The following SYNPO2 variants were observed in gnomAD, a reference collection of about 807,000 sequenced individuals.
The protein encoded by SYNPO2 is synaptopodin 2, also known as synaptopodin-2.
In SYNPO2, 56 loss-of-function variants were observed where a neutral mutation model predicts 85.0. The observed-to-expected ratio is 0.66, with a 90% CI of 0.53 to 0.82. The LOEUF (loss-of-function observed/expected upper bound fraction) is 0.82. SYNPO2 is among the 40% of genes least tolerant of loss of function. The pLI is 0.00. For missense variants in SYNPO2, 1,575 were observed against 1,534.2 expected (o/e 1.03, Z -0.44); for synonymous variants, 602 against 591.1 (o/e 1.02, Z -0.27).
intron 1 of SYNPO2, among the ~76,000 whole-genome samples, chr4:119,007,231 T>C (rs1257294666): frequency 1.4e-4 from 7 of 49,282 alleles, no homozygotes; most frequent in Admixed American, 7.4e-4. Context: ...TATATATATA[T>C]ATATATATAT....
rs57189942 is a variant in SYNPO2 at position 118,889,633 on chromosome 4, A to G, written c.105+492A>G. ...AAGGCCAATGTTGGGCAATAATTTT[A>G]AAAGTATGATGAAGTGTCATAAAAT... On this transcript the variant is annotated intron_variant, in intron 1 of 4. Coordinates refer to ENST00000307142, the MANE Select transcript of SYNPO2 (RefSeq NM_133477.3). 8.1e-3 allele frequency among the ~76,000 whole-genome samples: 1,226 copies of G among 152,296 alleles called. 15 individuals carry two copies. The highest frequency in any genetic ancestry group is 0.028 in the African/African-American group (1,176 of 41,548).
chr4:118,917,893 A>T (rs558095086), intron 1 of SYNPO2, among the ~76,000 whole-genome samples: 4 of 152,226 alleles, frequency 2.6e-5, no homozygotes, highest in Non-Finnish European at 5.9e-5. Context: ...ATTGCAAAAT[A>T]TTGGAAAAAT....
At chr4:118,855,451 T>C (rs903098838) in intron 1 of SYNPO2, among the ~76,000 whole-genome samples, 1 of 152,134 alleles carries the variant, frequency 6.6e-6, no homozygotes, top group Non-Finnish European at 1.5e-5. Context: ...AAAGCAATCA[T>C]AATTGAGAAT....
At chr4:118,881,047 A>G (rs1732080927) in intron 1 of SYNPO2, among the ~76,000 whole-genome samples, 2 of 152,146 alleles carry the variant, frequency 1.3e-5, no homozygotes, top group South Asian at 2.1e-4. Context: ...TCATGCCTGT[A>G]ATCCCAGCAC....
In SYNPO2 at chr4:119,036,546, CA is replaced by C. The variant is rs1000567249; in HGVS notation, c.3252+4520del. On this transcript the variant is annotated intron_variant, in intron 4 of 4. Coordinates refer to ENST00000307142, the MANE Select transcript of SYNPO2 (RefSeq NM_133477.3). ...CACAAAGCAGGCTAATAAATTCCCA[CA>C]GGATCCAGACACCAGGCAAAATTGC... 1.5e-4 allele frequency: 149 copies of C among 985,478 alleles called. No homozygotes were observed. The African/African-American group carries it at 2.4e-3, about 16-fold the overall frequency. 61.0% of individuals were successfully genotyped at this position (985,478 alleles called of 1,614,324 possible). A position where few individuals can be genotyped will look rare whatever the true frequency, so the allele number is the denominator to read the frequency against.
intron 1 of SYNPO2, among the ~76,000 whole-genome samples, chr4:118,910,538 C>T (rs1161207918): frequency 6.6e-6 from 1 of 151,830 alleles, no homozygotes; most frequent in Non-Finnish European, 1.5e-5. Context: ...TTAAGTATTG[C>T]AAATTTCTGC....
At chr4:118,981,083 G>A (rs1311651688) in intron 1 of SYNPO2, among the ~76,000 whole-genome samples, 1 of 152,178 alleles carries the variant, frequency 6.6e-6, no homozygotes, top group Non-Finnish European at 1.5e-5. Flanking sequence ...GTTTATCTCT[G>A]TGCCCAAGAG....
intron 1 of SYNPO2, among the ~76,000 whole-genome samples, chr4:118,896,908 A>G (rs1732566665): frequency 6.6e-6 from 1 of 152,278 alleles, no homozygotes; most frequent in African/African-American, 2.4e-5. Flanking sequence ...CCTACTCACA[A>G]ATGACTAGCT....
Position 119,030,187 on chromosome 4 carries a change from T to C in SYNPO2, c.1412T>C (p.Ile471Thr). ...NFDWDSGLVD[I>T]EKKLNRGDKM... ...GACTGGGATTCTGGACTGGTGGACA[T>C]TGAAAAGAAACTGAACAGAGGGGAC... The change falls in exon 4 of 5, where the codon ATT becomes ACT. Residue 471 changes from isoleucine to threonine, a missense_variant. Transcript: ENST00000307142. 1.9e-6 allele frequency: 3 copies of C among 1,613,818 alleles called. No individual in the cohort carries two copies. The highest frequency in any genetic ancestry group is 2.5e-6 in the Non-Finnish European group (3 of 1,179,970).
chr4:118,878,870 T>G (rs1279944055), intron 1 of SYNPO2, among the ~76,000 whole-genome samples: 1 of 152,220 alleles, frequency 6.6e-6, no homozygotes, highest in African/African-American at 2.4e-5. Flanking sequence ...ACTCAGGTCC[T>G]TTTCTGTCTT....
At chr4:118,929,847 G>T (rs17050270) in intron 1 of SYNPO2, among the ~76,000 whole-genome samples, 29,631 of 151,860 alleles carry the variant, frequency 0.2, 2,987 homozygotes, top group African/African-American at 0.25. Flanking sequence ...GCATACATTT[G>T]GTTTCTAATT....
At chr4:119,034,879 G>A in intron 4 of SYNPO2, 2 of 985,544 alleles carry the variant, frequency 2.0e-6, no homozygotes, top group South Asian at 9.4e-5. Context: ...TTCAATCTGA[G>A]TGTTGTTGCC....
At position 119,023,477 on chromosome 4, in the gene SYNPO2, T is replaced by A; in HGVS notation, c.153T>A (p.Asp51Glu). Reference protein sequence around the residue: ...KASGSGLCEGDEVVSINGNPC... With the variant: ...KASGSGLCEGEEVVSINGNPC... The stretch of plus-strand genomic sequence containing the variant: ...CTGGGTCTGGGCTCTGTGAGGGAGA[T>A]GAAGTGGTTTCCATCAATGGCAACC... The change falls in exon 2 of 5, where the codon GAT becomes GAA. Residue 51 changes from aspartate (D) to glutamate (E), a missense_variant. Physicochemically the swap from Asp to Glu is conservative, Grantham distance 45 (BLOSUM62 2). Transcript: ENST00000307142. 1 of 1,613,942 alleles carries A rather than the reference T, an allele frequency of 6.2e-7. No individual in the cohort carries two copies. The highest frequency in any genetic ancestry group is 1.3e-5 in the African/African-American group (1 of 75,040).
At chr4:118,937,055 T>C (rs1248025318) in intron 1 of SYNPO2, among the ~76,000 whole-genome samples, 1 of 152,134 alleles carries the variant, frequency 6.6e-6, no homozygotes, top group Admixed American at 6.5e-5. Flanking sequence ...CAAATTTGTC[T>C]CTTTTCATCC....
At chr4:118,957,811 C>T (rs1459903349) in intron 1 of SYNPO2, among the ~76,000 whole-genome samples, 1 of 152,190 alleles carries the variant, frequency 6.6e-6, no homozygotes, top group Non-Finnish European at 1.5e-5. Context: ...ACTCCTATCT[C>T]GCAGATGGAG....
At chr4:118,936,249 C>G (rs977303775) in intron 1 of SYNPO2, among the ~76,000 whole-genome samples, 4 of 152,112 alleles carry the variant, frequency 2.6e-5, no homozygotes, top group African/African-American at 9.7e-5. Context: ...TGATGTTCGC[C>G]TAAGGGTTCA....
intron 4 of SYNPO2, among the ~76,000 whole-genome samples, chr4:119,045,200 A>T (rs1432024633): frequency 6.6e-6 from 1 of 152,236 alleles, no homozygotes; most frequent in Non-Finnish European, 1.5e-5. Context: ...TTATAACTGA[A>T]TACAATACAA....
At chr4:118,912,792 G>T (rs2149124691) in intron 1 of SYNPO2, among the ~76,000 whole-genome samples, 1 of 152,174 alleles carries the variant, frequency 6.6e-6, no homozygotes, top group East Asian at 1.9e-4. Flanking sequence ...TTTTAGTTGG[G>T]CAAGCTCAGT....
rs1739302603 is a variant in SYNPO2 at position 119,058,687 on chromosome 4, C to T, written c.*753C>T. On this transcript the variant is annotated 3_prime_UTR_variant, in exon 5 of 5. Transcript: ENST00000307142. The stretch of plus-strand genomic sequence containing the variant: ...ACAAAGTTTCACCATGTTGGTCAGA[C>T]TGGTCTTGAACTCCTGACCTCGTGA... 2 of 151,938 alleles carry T rather than the reference C, an allele frequency of 1.3e-5. No homozygotes were observed. Among genetic ancestry groups the T allele is most frequent in the Admixed American group, 1.3e-4 (2 of 15,256 alleles). 9.4% of individuals were successfully genotyped at this position (151,938 alleles called of 1,614,324 possible). A position where few individuals can be genotyped will look rare whatever the true frequency, so the allele number is the denominator to read the frequency against.
Sources: allele counts gnomAD v4.1 joint callset (sites outside exome capture counted in the v4.1 genomes callset), GRCh38; gene constraint gnomAD v4.1.1; transcripts MANE v1.5; gene names NCBI Gene and HGNC (gene_info 2026-07-23, HGNC 2026-07-21).